ADGRV1: variants seen among roughly 807,000 people sequenced by gnomAD.
The protein encoded by ADGRV1 is G-protein coupled receptor 98.
ADGRV1 carries 359 observed loss-of-function variants against 596.2 expected under a neutral mutation model. The ratio of observed to expected loss-of-function variants is 0.60; its 90% confidence interval spans 0.55 to 0.66. The LOEUF (loss-of-function observed/expected upper bound fraction) is 0.66. ADGRV1 is among the 30% of genes least tolerant of loss of function. The probability of loss-of-function intolerance (pLI) is 0.00; values close to 1 mark genes in which losing one functional copy is unlikely to be tolerated. For synonymous variants in ADGRV1, 2,681 were observed against 2,679.2 expected (o/e 1.00, Z -0.02); for missense variants, 7,274 against 7,575.6 (o/e 0.96, Z 1.48).
Position 91,163,947 on chromosome 5 carries a change from C to A in ADGRV1, c.*47C>A. The stretch of plus-strand genomic sequence containing the variant: ...GAGCACACTTTCATATTTGTATCAG[C>A]TTTTGTGCTAAAACTCTCTAAGTAC... On this transcript the variant is annotated 3_prime_UTR_variant, in exon 90 of 90. Coordinates refer to ENST00000405460, the MANE Select transcript of ADGRV1 (RefSeq NM_032119.4). The A allele has an allele frequency of 1.1e-6, 1 of 908,922 alleles. No homozygotes were observed. Among genetic ancestry groups the A allele is most frequent in the Non-Finnish European group, 1.8e-6 (1 of 556,648 alleles). 56.3% of individuals were successfully genotyped at this position (908,922 alleles called of 1,614,324 possible).
intron 33 of ADGRV1, among the ~76,000 whole-genome samples, chr5:90,695,815 G>A (rs1033258600): frequency 3.3e-5 from 5 of 151,986 alleles, no homozygotes; most frequent in Non-Finnish European, 5.9e-5. Context: ...GATGGGAACA[G>A]GTTAGTAATT....
intron 21 of ADGRV1, among the ~76,000 whole-genome samples, chr5:90,664,878 G>A (rs1347491434): frequency 6.6e-6 from 1 of 150,618 alleles, no homozygotes; most frequent in Non-Finnish European, 1.5e-5. Flanking sequence ...TAATCATGTG[G>A]TTTTTGTCTT....
chr5:90,747,552 C>T (rs1405477866), intron 52 of ADGRV1, among the ~76,000 whole-genome samples: 1 of 152,124 alleles, frequency 6.6e-6, no homozygotes, highest in African/African-American at 2.4e-5. Flanking sequence ...ACAGGACACA[C>T]TTAATTCCCC....
intron 85 of ADGRV1, among the ~76,000 whole-genome samples, chr5:91,013,877 T>A (rs1247252423): frequency 6.6e-6 from 1 of 152,046 alleles, no homozygotes; most frequent in East Asian, 1.9e-4. Flanking sequence ...TGAATTGATT[T>A]TTGTGTATGG....
chr5:91,123,777 G>GT (rs1395280638), intron 87 of ADGRV1, among the ~76,000 whole-genome samples: 1 of 152,140 alleles, frequency 6.6e-6, no homozygotes. Context: ...TGCAGGAACT[G>GT]TTGTATGTGC....
At chr5:90,715,147 A>G (rs1749919914) in intron 42 of ADGRV1, among the ~76,000 whole-genome samples, 1 of 152,218 alleles carries the variant, frequency 6.6e-6, no homozygotes, top group African/African-American at 2.4e-5. Flanking sequence ...ACCAAACTGT[A>G]AGACAAGGAT....
chr5:91,075,564 A>G (rs1199535619), intron 86 of ADGRV1, among the ~76,000 whole-genome samples: 1 of 152,210 alleles, frequency 6.6e-6, no homozygotes, highest in Non-Finnish European at 1.5e-5. Context: ...AAATGTGAAT[A>G]GAAGCATTGC....
chr5:90,935,820 T>C (rs1171479382), intron 83 of ADGRV1, among the ~76,000 whole-genome samples: 3 of 152,142 alleles, frequency 2.0e-5, no homozygotes, highest in African/African-American at 7.2e-5. Flanking sequence ...TTGTTACAAA[T>C]GAAGTTTTTC....
Position 90,783,964 on chromosome 5 carries a change from CA to C in ADGRV1, c.13562del (p.Asn4521IlefsTer14). On this transcript the variant is annotated frameshift_variant, in exon 67 of 90. Transcript: ENST00000405460. LOFTEE classifies it high-confidence loss of function. ...DSPFGVIRFL[N>X]QSKISIANPN... Reference sequence around the variant, plus strand: ...CTCCCTTTGGAGTTATAAGGTTTCTCAATCAAAGCAAAATTTCTATTGCTAA... The same window carrying C: ...CTCCCTTTGGAGTTATAAGGTTTCTCATCAAAGCAAAATTTCTATTGCTAA... 1 of 1,612,250 alleles carries C rather than the reference CA, an allele frequency of 6.2e-7. No individual in the cohort carries two copies. Among genetic ancestry groups the C allele is most frequent in the Non-Finnish European group, 8.5e-7 (1 of 1,179,192 alleles).
chr5:90,724,727 A>T, intron 45 of ADGRV1, 105 bp from the exon 46 acceptor site: 1 of 1,004,450 alleles, frequency 1.0e-6, no homozygotes, highest in Non-Finnish European at 1.5e-6. Context: ...AAGAATTTTC[A>T]TTTGTAGTCA....
At chr5:90,591,711 C>A (rs1308875340) in intron 1 of ADGRV1, among the ~76,000 whole-genome samples, 1 of 152,246 alleles carries the variant, frequency 6.6e-6, no homozygotes, top group East Asian at 1.9e-4. Context: ...ATACTTTGAA[C>A]CTGAAGTCCC....
At chr5:91,150,334 A>G in intron 88 of ADGRV1, 113 bp downstream of exon 88, 1 of 804,136 alleles carries the variant, frequency 1.2e-6, no homozygotes, top group Non-Finnish European at 1.8e-6. Context: ...TCCACCTCAT[A>G]AAGAGTACAA....
At chr5:90,811,999 G>C (rs1477197751) in intron 74 of ADGRV1, among the ~76,000 whole-genome samples, 1 of 149,288 alleles carries the variant, frequency 6.7e-6, no homozygotes, top group Non-Finnish European at 1.5e-5. Flanking sequence ...CATGATCACA[G>C]CTCACTGCAA....
At chr5:91,001,356 G>A (rs1781844025) in intron 85 of ADGRV1, among the ~76,000 whole-genome samples, 1 of 152,090 alleles carries the variant, frequency 6.6e-6, no homozygotes, top group Non-Finnish European at 1.5e-5. Flanking sequence ...GAGATTATAG[G>A]CATGAGACAC....
At chr5:90,744,059 G>T (rs1427754630) in intron 50 of ADGRV1, among the ~76,000 whole-genome samples, 3 of 152,004 alleles carry the variant, frequency 2.0e-5, no homozygotes. Context: ...CATGATCATG[G>T]TTCATTGCAA....
intron 24 of ADGRV1, among the ~76,000 whole-genome samples, chr5:90,675,794 A>G (rs1489470158): frequency 6.6e-6 from 1 of 152,142 alleles, no homozygotes; most frequent in Non-Finnish European, 1.5e-5. Context: ...TCTCTAAAAT[A>G]AAAAAAGAAA....
intron 89 of ADGRV1, among the ~76,000 whole-genome samples, chr5:91,157,670 T>C (rs960801397): frequency 2.6e-5 from 4 of 152,252 alleles, no homozygotes; most frequent in African/African-American, 9.6e-5. Context: ...TCTTTTATAC[T>C]GTTACCATTA....
At chr5:90,665,499 T>C (rs2149507278) in intron 21 of ADGRV1, among the ~76,000 whole-genome samples, 1 of 152,206 alleles carries the variant, frequency 6.6e-6, no homozygotes, top group Non-Finnish European at 1.5e-5. Flanking sequence ...TTGATTCTTC[T>C]CTCTTTTTTT....
At chr5:91,004,959 T>G (rs1782152329) in intron 85 of ADGRV1, among the ~76,000 whole-genome samples, 2 of 152,208 alleles carry the variant, frequency 1.3e-5, no homozygotes, top group Admixed American at 1.3e-4. Flanking sequence ...GTTAACTGAA[T>G]GAACTCTGAA....
Sources: gnomAD v4.1 joint callset for allele counts (sites outside exome capture counted in the v4.1 genomes callset) on GRCh38, gnomAD v4.1.1 for gene constraint, MANE v1.5 for transcripts, NCBI Gene and HGNC (gene_info 2026-07-23, HGNC 2026-07-21) for gene names.